PCNT: variants seen among roughly 807,000 people sequenced by gnomAD.
PCNT encodes the protein pericentrin.
In PCNT, 319 loss-of-function variants were observed where a neutral mutation model predicts 380.4. The ratio of observed to expected loss-of-function variants is 0.84; its 90% confidence interval spans 0.77 to 0.92. The LOEUF is 0.92. PCNT is among the 40% of genes least tolerant of loss of function. The pLI is 0.00. For missense variants in PCNT, 4,400 were observed against 4,255.3 expected, an observed-to-expected ratio of 1.03 and a Z score of -0.95; for synonymous variants, 1,845 against 1,735.2, an observed-to-expected ratio of 1.06 and a Z score of -1.57.
chr21:46,411,943 C>T lies in PCNT; in HGVS notation c.5870C>T (p.Ala1957Val). ...LDRRQARRAT[A>V]HTRVPGAHPQ... is the part of the protein sequence containing the mutation. ...AGGCGGCAGGCCCGCAGAGCCACAG[C>T]TCACACACGGGTGCCCGGGGCCCAC... The change falls in exon 28 of 47, where the codon GCT becomes GTT. Residue 1957 changes from alanine (A) to valine (V), a missense_variant. Coordinates refer to ENST00000359568, the MANE Select transcript of PCNT (RefSeq NM_006031.6). 1 of 1,596,492 alleles carries T rather than the reference C, an allele frequency of 6.3e-7. No individual in the cohort carries two copies. Among genetic ancestry groups the T allele is most frequent in the Non-Finnish European group, 8.5e-7 (1 of 1,178,650 alleles).
chr21:46,325,734 G>A (rs1315925076), intron 1 of PCNT, among the ~76,000 whole-genome samples: 1 of 152,188 alleles, frequency 6.6e-6, no homozygotes, highest in Non-Finnish European at 1.5e-5. Flanking sequence ...AGACGTTAGC[G>A]GGAGATGAGG....
chr21:46,440,087 C>T lies in PCNT; in HGVS notation c.9278C>T (p.Ser3093Leu), dbSNP rs374857206. 9.9e-6 allele frequency: 16 copies of T among 1,613,890 alleles called. No homozygotes were observed. In the African/African-American group the frequency reaches 1.3e-4, roughly 13 times the overall value. ...GCTGGCTGTGCTTCCTTACAGAGGT[C>T]GGAAAGGTCTGCTTGGAAGCCAGAC... ...HLQKGCSPSR[S>L]ERSAWKPDET... Residue 3093 changes from serine to leucine, a missense_variant, in exon 42 of 47, where the codon TCG becomes TTG. Physicochemically the swap from Ser to Leu is moderately radical, Grantham distance 145. Coordinates refer to ENST00000359568, the MANE Select transcript of PCNT (RefSeq NM_006031.6).
chr21:46,394,777 T>C (rs545148730), intron 21 of PCNT, among the ~76,000 whole-genome samples: 1 of 152,378 alleles, frequency 6.6e-6, no homozygotes, highest in East Asian at 1.9e-4. Flanking sequence ...TTGTGCTGCT[T>C]TTCAGAAACT....
chr21:46,350,292 C>T (rs1205947186), intron 8 of PCNT, among the ~76,000 whole-genome samples: 1 of 152,202 alleles, frequency 6.6e-6, no homozygotes, highest in Non-Finnish European at 1.5e-5. Context: ...CAATCTTGTA[C>T]TTAGGAATGC....
chr21:46,367,468 C>T (rs1433377187), intron 15 of PCNT, among the ~76,000 whole-genome samples: 7 of 152,064 alleles, frequency 4.6e-5, no homozygotes, highest in Admixed American at 2.0e-4. Context: ...CCACCATGCG[C>T]GGCTAATTTT....
rs760671436 is a variant in PCNT at position 46,436,117 on chromosome 21, CTCACCAGCT to C, written c.8974_8982del (p.Phe2992_Ser2994del). The stretch of plus-strand genomic sequence containing the variant: ...GCGGCTGCTCTCTGCCGCCCGGCTT[CTCACCAGCT>C]TCACCAGCCAGGCCGTGGACAGGTG... On this transcript the variant is annotated inframe_deletion, in exon 39 of 47. Transcript: ENST00000359568. 6.2e-7 allele frequency: 1 copy of C among 1,609,904 alleles called. No homozygotes were observed. The highest frequency in any genetic ancestry group is 8.5e-7 in the Non-Finnish European group (1 of 1,179,870).
At position 46,347,099 on chromosome 21, in the gene PCNT, G is replaced by A. The variant is rs575238221; in HGVS notation, c.976+101G>A. 1,347 of 1,373,402 alleles carry A rather than the reference G, an allele frequency of 9.8e-4. 1 individual carries two copies. Among genetic ancestry groups the A allele is most frequent in the South Asian group, 1.3e-3 (93 of 73,506 alleles). 85.1% of individuals were successfully genotyped at this position (1,373,402 alleles called of 1,614,324 possible). A position where few individuals can be genotyped will look rare whatever the true frequency, so the allele number is the denominator to read the frequency against. ...TTGGGAGCTGGGGCGCCCTAGCACC[G>A]TCTCCCCATCTCTGTTCTCAGCACC... On this transcript the variant is annotated intron_variant, in intron 5 of 46. Transcript: ENST00000359568.
chr21:46,381,729 T>A lies in PCNT; in HGVS notation c.3201T>A (p.His1067Gln). ...GAAGTGAAAAGAAAACTGCTTTGCA[T>A]GAAAAAGAGGAGACACTTCGGCTTC... is the stretch of plus-strand genomic sequence containing the variant. The part of the protein sequence containing the change: ...EFGSEKKTAL[H>Q]EKEETLRLQS... Residue 1067 changes from histidine to glutamine, a missense_variant, in exon 16 of 47, where the codon CAT becomes CAA. Transcript: ENST00000359568. 1.2e-6 allele frequency: 2 copies of A among 1,614,168 alleles called. No individual in the cohort carries two copies. The highest frequency in any genetic ancestry group is 1.7e-6 in the Non-Finnish European group (2 of 1,179,982).
At chr21:46,326,228 T>C in intron 1 of PCNT, 149 bp from the exon 2 acceptor site, 1 of 706,412 alleles carries the variant, frequency 1.4e-6, no homozygotes, top group South Asian at 1.5e-5. Context: ...AGGCAGTGTT[T>C]GTGGAGAGCC....
chr21:46,346,982 G>T lies in PCNT; in HGVS notation c.960G>T (p.Arg320Ser). 2 of 1,595,914 alleles carry T rather than the reference G, an allele frequency of 1.3e-6. No individual in the cohort carries two copies. The highest frequency in any genetic ancestry group is 1.7e-6 in the Non-Finnish European group (2 of 1,173,710). ...HAREKEEVVL[R>S]CGQEAAELKE... ...GGGAGAAGGAGGAGGTGGTGCTCAGGTGTGGACAGGAAGCAGGTACTGCAT... is the reference window on the plus strand; with the variant it reads ...GGGAGAAGGAGGAGGTGGTGCTCAGTTGTGGACAGGAAGCAGGTACTGCAT... The change falls in exon 5 of 47, where the codon AGG becomes AGT. Residue 320 changes from arginine to serine, a missense_variant. Coordinates refer to ENST00000359568, the MANE Select transcript of PCNT (RefSeq NM_006031.6).
intron 27 of PCNT, among the ~76,000 whole-genome samples, chr21:46,405,503 G>C (rs967809422): frequency 6.6e-6 from 1 of 152,224 alleles, no homozygotes; most frequent in Non-Finnish European, 1.5e-5. Context: ...TTCGAGACCA[G>C]CCTGGCCAAC....
At chr21:46,433,527 CGTG>C (rs768415961) in intron 38 of PCNT, among the ~76,000 whole-genome samples, 5 of 152,088 alleles carry the variant, frequency 3.3e-5, no homozygotes, top group Non-Finnish European at 7.4e-5. Flanking sequence ...GAGGGTGAGA[CGTG>C]GTGTGTGTGT....
intron 3 of PCNT, among the ~76,000 whole-genome samples, chr21:46,343,506 T>C (rs1569173133): frequency 6.6e-6 from 1 of 152,206 alleles, no homozygotes; most frequent in African/African-American, 2.4e-5. Context: ...TTATGTGCTG[T>C]TGGATTCCGT....
intron 31 of PCNT, among the ~76,000 whole-genome samples, chr21:46,421,743 T>A (rs920357451): frequency 2.0e-5 from 3 of 152,346 alleles, no homozygotes; most frequent in African/African-American, 7.2e-5. Context: ...GGTGATGTTC[T>A]CAACCTGTGA....
At chr21:46,337,774 GT>G (rs1181243618) in intron 3 of PCNT, among the ~76,000 whole-genome samples, 2 of 151,966 alleles carry the variant, frequency 1.3e-5, no homozygotes, top group African/African-American at 4.8e-5. Flanking sequence ...TAGAGATGGG[GT>G]TTCACCATGT....
At position 46,391,249 on chromosome 21, in the gene PCNT, G is replaced by A. The variant is rs1393711503; in HGVS notation, c.4089G>A (p.Leu1363=). The change falls in exon 21 of 47, where the codon CTG becomes CTA. Residue 1363 remains leucine, a synonymous_variant. Transcript: ENST00000359568. The part of the protein sequence containing the change: ...GKEDSEHRLV[L]ELESLRRQLQ... The stretch of plus-strand genomic sequence containing the variant: ...AGGATTCCGAGCACCGTCTGGTGCT[G>A]GAGCTGGAGAGCCTGAGACGGCAGC... 1 of 1,604,714 alleles carries A rather than the reference G, an allele frequency of 6.2e-7. No individual in the cohort carries two copies. Among genetic ancestry groups the A allele is most frequent in the African/African-American group, 1.3e-5 (1 of 74,996 alleles).
chr21:46,358,178 G>A (rs1032349513), intron 13 of PCNT, among the ~76,000 whole-genome samples: 1 of 150,742 alleles, frequency 6.6e-6, no homozygotes, highest in African/African-American at 2.4e-5. Flanking sequence ...GTGAACCGAC[G>A]GGGCAGCTCA....
intron 37 of PCNT, 33 bp downstream of exon 37, chr21:46,430,690 G>T: frequency 6.4e-7 from 1 of 1,557,880 alleles, no homozygotes; most frequent in East Asian, 2.4e-5. Context: ...CAGCCGGCAT[G>T]GGCTGTGTGC....
intron 24 of PCNT, 98 bp from the exon 25 acceptor site, chr21:46,399,492 T>C (rs1028348440): frequency 5.6e-5 from 49 of 874,412 alleles, no homozygotes; most frequent in Non-Finnish European, 9.0e-5. Flanking sequence ...GCATAGGGCA[T>C]CTATTTTGTC....
Sources: allele counts gnomAD v4.1 joint callset (sites outside exome capture counted in the v4.1 genomes callset), GRCh38; gene constraint gnomAD v4.1.1; transcripts MANE v1.5; gene names NCBI Gene and HGNC (gene_info 2026-07-23, HGNC 2026-07-21).